KALRN: variants seen among roughly 807,000 people sequenced by gnomAD.
The protein encoded by KALRN is kalirin.
Under a neutral mutation model 353.7 loss-of-function variants are expected in KALRN, and 70 were observed. That is an observed-to-expected ratio of 0.20 (90% confidence interval 0.16 to 0.24). The LOEUF is 0.24. Among genes scored for constraint, KALRN ranks in the 10% least tolerant of loss-of-function variants. The probability of loss-of-function intolerance (pLI) is 1.00; values close to 1 mark genes in which losing one functional copy is unlikely to be tolerated. For missense variants in KALRN, 2,791 were observed against 3,756.7 expected, an observed-to-expected ratio of 0.74 and a Z score of 6.72; for synonymous variants, 1,391 against 1,434.8, an observed-to-expected ratio of 0.97 and a Z score of 0.69.
chr3:124,286,957 T>TCTTTTCC (rs2075969618), intron 5 of KALRN, among the ~76,000 whole-genome samples: 3 of 152,216 alleles, frequency 2.0e-5, no homozygotes, highest in Non-Finnish European at 2.9e-5. Context: ...TCCCTAAATA[T>TCTTTTCC]CTTAAAGTCT....
intron 34 of KALRN, among the ~76,000 whole-genome samples, chr3:124,564,825 CTGACTTG>C (rs2109928633): frequency 6.6e-6 from 1 of 152,360 alleles, no homozygotes. Flanking sequence ...TTGAGATCCA[CTGACTTG>C]TGAAGTCCAA....
chr3:124,529,139 G>A (rs1431534768), intron 33 of KALRN, among the ~76,000 whole-genome samples: 2 of 152,170 alleles, frequency 1.3e-5, no homozygotes, highest in Non-Finnish European at 2.9e-5. Context: ...TAAGTTCCAT[G>A]AGGGTAGGGA....
chr3:124,541,274 AC>A (rs1330927816), intron 33 of KALRN, among the ~76,000 whole-genome samples: 1 of 151,300 alleles, frequency 6.6e-6, no homozygotes, highest in Non-Finnish European at 1.5e-5. Flanking sequence ...ACGTGGTGAA[AC>A]CCCATCTCTA....
intron 34 of KALRN, among the ~76,000 whole-genome samples, chr3:124,608,261 C>G (rs1245110603): frequency 6.6e-6 from 1 of 152,050 alleles, no homozygotes; most frequent in African/African-American, 2.4e-5. Context: ...CCCACCTTGT[C>G]TTTCCAAAGT....
intron 37 of KALRN, among the ~76,000 whole-genome samples, chr3:124,646,112 T>G (rs2082683692): frequency 6.6e-6 from 1 of 152,092 alleles, no homozygotes; most frequent in African/African-American, 2.4e-5. Context: ...AAGAGGTGAT[T>G]GGTTGGTGTG....
At chr3:124,043,211 G>A (rs2040126793) in intron 1 of KALRN, among the ~76,000 whole-genome samples, 2 of 152,180 alleles carry the variant, frequency 1.3e-5, no homozygotes, top group Non-Finnish European at 2.9e-5. Flanking sequence ...GGAATGAGGA[G>A]TGAGCGCATG....
At chr3:124,184,987 A>G (rs563577494) in intron 1 of KALRN, among the ~76,000 whole-genome samples, 189 of 152,082 alleles carry the variant, frequency 1.2e-3, no homozygotes, top group African/African-American at 4.4e-3. Context: ...AACCATCTTA[A>G]TTTCCCCATT....
intron 1 of KALRN, among the ~76,000 whole-genome samples, chr3:124,071,092 A>C (rs1385390906): frequency 6.6e-6 from 1 of 152,114 alleles, no homozygotes; most frequent in Non-Finnish European, 1.5e-5. Context: ...GAAGGTGATC[A>C]GGAAGGGGAG....
At chr3:124,474,024 T>C (rs2061200435) in intron 25 of KALRN, among the ~76,000 whole-genome samples, 1 of 152,250 alleles carries the variant, frequency 6.6e-6, no homozygotes, top group Non-Finnish European at 1.5e-5. Context: ...ATTATTTCTT[T>C]ATTATTTATT....
intron 37 of KALRN, among the ~76,000 whole-genome samples, chr3:124,639,230 C>G (rs2081728790): frequency 1.0e-5 from 1 of 97,070 alleles, no homozygotes; most frequent in Non-Finnish European, 1.9e-5. Context: ...CATTCAGGGT[C>G]CTACTCAGAT....
chr3:124,579,096 C>T (rs987680582), intron 34 of KALRN, among the ~76,000 whole-genome samples: 26 of 152,060 alleles, frequency 1.7e-4, no homozygotes, highest in African/African-American at 6.3e-4. Flanking sequence ...GAGAATAACC[C>T]TAAAGGAAAA....
At chr3:124,397,028 C>T (rs2090252351) in intron 12 of KALRN, among the ~76,000 whole-genome samples, 1 of 152,202 alleles carries the variant, frequency 6.6e-6, no homozygotes, top group South Asian at 2.1e-4. Context: ...GTTACTAGAG[C>T]ACCTAAGGGA....
chr3:124,164,196 C>T lies in KALRN; in HGVS notation c.74-63794C>T, dbSNP rs993339746. ...ACTTCATGAAGAAATGGAGAAGAGC[C>T]GAATAGTTGACCATTGTTGCTGTAT... On this transcript the variant is annotated intron_variant, in intron 1 of 59. Transcript: ENST00000682506. 5.7e-5 allele frequency: 9 copies of T among 156,534 alleles called. No homozygotes were observed. In the East Asian group the frequency reaches 1.3e-3, roughly 23 times the overall value. 9.7% of individuals were successfully genotyped at this position (156,534 alleles called of 1,614,324 possible).
rs1439742354 is a variant in KALRN at position 124,353,381 on chromosome 3, C to G, written c.1770+6116C>G. On this transcript the variant is annotated intron_variant, in intron 10 of 59. Coordinates refer to ENST00000682506, the MANE Select transcript of KALRN (RefSeq NM_001388419.1). ...GCCCTCATCAATTTTCATTTCCCAT[C>G]AAGTTTCTGTGTTGGGCACTGTGAA... 2.0e-5 allele frequency among the ~76,000 whole-genome samples: 3 copies of G among 152,122 alleles called. No individual in the cohort carries two copies. The East Asian group carries it at 5.8e-4, about 29-fold the overall frequency.
intron 28 of KALRN, among the ~76,000 whole-genome samples, chr3:124,484,501 A>G (rs911229362): frequency 8.5e-5 from 13 of 152,232 alleles, no homozygotes; most frequent in Non-Finnish European, 1.8e-4. Flanking sequence ...CTAGTGTGAG[A>G]AAAGAGTGTG....
chr3:124,497,770 G>T (rs541745340), intron 33 of KALRN, among the ~76,000 whole-genome samples: 4 of 152,306 alleles, frequency 2.6e-5, no homozygotes, highest in African/African-American at 7.2e-5. Flanking sequence ...AACAGTCAGT[G>T]GGTGGTAAGT....
intron 1 of KALRN, among the ~76,000 whole-genome samples, chr3:124,103,817 G>A (rs912176281): frequency 9.2e-5 from 14 of 152,130 alleles, no homozygotes; most frequent in African/African-American, 3.4e-4. Flanking sequence ...TTAGCCGGGT[G>A]TGACGGCATA....
At chr3:124,148,306 A>G (rs1191027140) in intron 1 of KALRN, among the ~76,000 whole-genome samples, 2 of 152,214 alleles carry the variant, frequency 1.3e-5, no homozygotes, top group Non-Finnish European at 2.9e-5. Context: ...CAGAAATAGG[A>G]TAACTGGGAA....
At chr3:124,464,852 A>G (rs931055603) in intron 25 of KALRN, among the ~76,000 whole-genome samples, 3 of 143,770 alleles carry the variant, frequency 2.1e-5, no homozygotes, top group Admixed American at 2.0e-4. Flanking sequence ...AGTAGGCAAT[A>G]GAACCAAAAA....
Sources: gnomAD v4.1 joint callset for allele counts (sites outside exome capture counted in the v4.1 genomes callset) on GRCh38, gnomAD v4.1.1 for gene constraint, MANE v1.5 for transcripts, NCBI Gene and HGNC (gene_info 2026-07-23, HGNC 2026-07-21) for gene names.